Variants in DPH6 observed in about 807,000 individuals in gnomAD.
The protein encoded by DPH6 is diphthamine biosynthesis 6.
Under a neutral mutation model 38.2 loss-of-function variants are expected in DPH6, and 33 were observed. That is an observed-to-expected ratio of 0.86 (90% CI 0.65 to 1.15). DPH6 has a LOEUF of 1.15. Ranked by LOEUF, DPH6 falls within the 50% of genes most tolerant of loss-of-function variation. DPH6 has a pLI of 0.00. For synonymous variants in DPH6, 108 were observed against 103.0 expected (o/e 1.05, Z -0.30); for missense variants, 325 against 320.0 (o/e 1.02, Z -0.12).
At chr15:35,308,233 C>CATAAATAA (rs934874297) in intron 3 of DPH6, among the ~76,000 whole-genome samples, 1 of 151,764 alleles carries the variant, frequency 6.6e-6, no homozygotes, top group African/African-American at 2.4e-5. Flanking sequence ...CCTGTCACTG[C>CATAAATAA]ATAAATAAAT....
chr15:35,513,466 C>A (rs564876692), intron 3 of DPH6, among the ~76,000 whole-genome samples: 18 of 151,916 alleles, frequency 1.2e-4, no homozygotes, highest in African/African-American at 4.3e-4. Flanking sequence ...GACAGATGAA[C>A]ATCAAAAATT....
chr15:35,194,314 A>G, the DPH6 span, among the ~76,000 whole-genome samples: 1 of 151,956 alleles, frequency 6.6e-6, no homozygotes, highest in East Asian at 1.9e-4. Flanking sequence ...TCAAAGGAAA[A>G]GATAATATAT....
intron 3 of DPH6, chr15:35,520,693 T>C (rs537578503): frequency 1.0e-6 from 1 of 985,006 alleles, no homozygotes; most frequent in Non-Finnish European, 1.2e-6. Flanking sequence ...TTGCTGAACC[T>C]CTGTAGAAAC....
At chr15:35,415,474 T>C (rs1279607392) in intron 5 of DPH6, among the ~76,000 whole-genome samples, 1 of 152,058 alleles carries the variant, frequency 6.6e-6, no homozygotes, top group East Asian at 1.9e-4. Flanking sequence ...TTGCAGTCTT[T>C]TAATTCGTTG....
intron 3 of DPH6, among the ~76,000 whole-genome samples, chr15:35,485,737 C>A (rs184901556): frequency 6.6e-6 from 1 of 152,194 alleles, no homozygotes; most frequent in African/African-American, 2.4e-5. Flanking sequence ...TACATTACCT[C>A]ATTTGCTCCT....
chr15:35,542,940 T>G (rs2055278378), intron 1 of DPH6, among the ~76,000 whole-genome samples: 1 of 15,078 alleles, frequency 6.6e-5, no homozygotes. Flanking sequence ...TTATTCCACT[T>G]AAGGAATATA....
intron 3 of DPH6, among the ~76,000 whole-genome samples, chr15:35,278,527 G>T (rs1220070382): frequency 2.0e-5 from 3 of 152,212 alleles, no homozygotes; most frequent in African/African-American, 4.8e-5. Context: ...ACCCTATACA[G>T]AGTCCCCACC....
At chr15:35,292,011 T>G (rs2051983520) in intron 3 of DPH6, among the ~76,000 whole-genome samples, 3 of 152,132 alleles carry the variant, frequency 2.0e-5, no homozygotes, top group Non-Finnish European at 4.4e-5. Flanking sequence ...ATTTCCAGTC[T>G]TCTTGCTTCC....
the DPH6 span, among the ~76,000 whole-genome samples, chr15:35,192,060 A>C: frequency 1.3e-5 from 2 of 152,220 alleles, no homozygotes; most frequent in Non-Finnish European, 2.9e-5. Context: ...TTGGCATTTC[A>C]GTAACACGAT....
the DPH6 span, among the ~76,000 whole-genome samples, chr15:35,206,654 C>A: frequency 6.6e-6 from 1 of 152,240 alleles, no homozygotes; most frequent in South Asian, 2.1e-4. Context: ...AAGAGAAATA[C>A]CCACCACATA....
intron 6 of DPH6, among the ~76,000 whole-genome samples, chr15:35,408,257 A>G (rs2053321025): frequency 6.6e-6 from 1 of 152,060 alleles, no homozygotes; most frequent in Non-Finnish European, 1.5e-5. Flanking sequence ...TGAGTGACAC[A>G]AATACAGTAG....
chr15:35,388,221 A>T (rs1340506998), intron 6 of DPH6, among the ~76,000 whole-genome samples: 2 of 152,108 alleles, frequency 1.3e-5, no homozygotes, highest in Non-Finnish European at 2.9e-5. Context: ...AAGCTTTTTG[A>T]TGTGCTGCTG....
intron 5 of DPH6, among the ~76,000 whole-genome samples, chr15:35,415,569 G>T (rs2141002966): frequency 6.6e-6 from 1 of 151,994 alleles, no homozygotes; most frequent in African/African-American, 2.4e-5. Context: ...ATTCCACAGT[G>T]GATAAAGTTA....
intron 3 of DPH6, among the ~76,000 whole-genome samples, chr15:35,345,281 G>A (rs537500176): frequency 5.9e-4 from 90 of 151,840 alleles, no homozygotes; most frequent in African/African-American, 2.1e-3. Context: ...CTGTAGATTT[G>A]TTTTGCACTA....
chr15:35,473,913 A>AGTGTGTGTGTGTGT (rs58549209), intron 3 of DPH6, among the ~76,000 whole-genome samples: 43 of 126,884 alleles, frequency 3.4e-4, no homozygotes, highest in African/African-American at 1.1e-3. Flanking sequence ...CACTGTGCAC[A>AGTGTGTGTGTGTGT]GTGTGTGTGT....
At chr15:35,476,668 A>G (rs999332689) in intron 3 of DPH6, among the ~76,000 whole-genome samples, 1 of 151,800 alleles carries the variant, frequency 6.6e-6, no homozygotes, top group African/African-American at 2.4e-5. Flanking sequence ...ACTCATCAAG[A>G]TCTATTCTGA....
the DPH6 span, among the ~76,000 whole-genome samples, chr15:35,207,763 A>G: frequency 1.3e-5 from 2 of 152,304 alleles, no homozygotes; most frequent in Non-Finnish European, 2.9e-5. Flanking sequence ...CTTCTTAGCT[A>G]TAAATGTATT....
chr15:35,509,038 T>C (rs533313324), intron 3 of DPH6, among the ~76,000 whole-genome samples: 1 of 152,340 alleles, frequency 6.6e-6, no homozygotes, highest in African/African-American at 2.4e-5. Flanking sequence ...TTCATTTTTA[T>C]GAAGAGCTTG....
intron 3 of DPH6, among the ~76,000 whole-genome samples, chr15:35,533,279 G>C (rs1230905800): frequency 6.6e-6 from 1 of 152,090 alleles, no homozygotes; most frequent in Non-Finnish European, 1.5e-5. Flanking sequence ...ATTCCCAGTA[G>C]TCATGATTCC....
Sources: gnomAD v4.1 joint callset for allele counts (sites outside exome capture counted in the v4.1 genomes callset) on GRCh38, gnomAD v4.1.1 for gene constraint, MANE v1.5 for transcripts, NCBI Gene and HGNC (gene_info 2026-07-23, HGNC 2026-07-21) for gene names.